Variants in OPCML observed in about 807,000 individuals in gnomAD.
OPCML encodes the protein opioid binding protein/cell adhesion molecule like.
Under a neutral mutation model 37.8 loss-of-function variants are expected in OPCML, and 13 were observed. The ratio of observed to expected loss-of-function variants is 0.34; its 90% confidence interval spans 0.22 to 0.55. The LOEUF is 0.55. Among genes scored for constraint, OPCML ranks in the 20% least tolerant of loss-of-function variants. The probability of loss-of-function intolerance (pLI) is 0.91; values close to 1 mark genes in which losing one functional copy is unlikely to be tolerated. For synonymous variants in OPCML, 176 were observed against 168.8 expected (o/e 1.04, Z -0.33); for missense variants, 341 against 435.6 (o/e 0.78, Z 1.93).
chr11:133,293,228 C>T (rs747236465), intron 1 of OPCML, among the ~76,000 whole-genome samples: 4 of 152,188 alleles, frequency 2.6e-5, no homozygotes, highest in Non-Finnish European at 4.4e-5. Context: ...CGGCACCCCA[C>T]GCTCTTTCCC....
chr11:132,695,191 G>C (rs1943557965), intron 2 of OPCML, among the ~76,000 whole-genome samples: 1 of 139,718 alleles, frequency 7.2e-6, no homozygotes, highest in African/African-American at 3.2e-5. Flanking sequence ...TACGGAGAGA[G>C]AGTGAGAGAC....
chr11:133,389,460 C>G (rs1313362033), intron 1 of OPCML, among the ~76,000 whole-genome samples: 1 of 151,968 alleles, frequency 6.6e-6, no homozygotes, highest in Non-Finnish European at 1.5e-5. Context: ...CTCTTGTTTC[C>G]TTATAGAAAA....
chr11:132,592,381 G>T (rs983183409), intron 3 of OPCML, among the ~76,000 whole-genome samples: 1 of 152,196 alleles, frequency 6.6e-6, no homozygotes, highest in African/African-American at 2.4e-5. Flanking sequence ...GATAAGCCAG[G>T]GTACCTGGCT....
In OPCML at chr11:132,441,165, G is replaced by GTTT. The variant is rs68143578; in HGVS notation, c.506-3809_506-3807dup. On this transcript the variant is annotated intron_variant, in intron 4 of 7. Transcript: ENST00000524381. ...AGATGTGTTCACCAAGGACTTTTTT[G>GTTT]TTTTTTTTTTTTTTTTTTTTGAGAC... 2.1e-4 allele frequency among the ~76,000 whole-genome samples: 15 copies of GTTT among 72,392 alleles called. 1 individual carries two copies. The highest frequency in any genetic ancestry group is 4.1e-4 in the East Asian group (1 of 2,458). 47.5% of individuals were successfully genotyped at this position (72,392 alleles called of 152,430 possible). A position where few individuals can be genotyped will look rare whatever the true frequency, so the allele number is the denominator to read the frequency against.
At chr11:133,487,240 T>A (rs1947549424) in intron 1 of OPCML, among the ~76,000 whole-genome samples, 1 of 152,162 alleles carries the variant, frequency 6.6e-6, no homozygotes, top group South Asian at 2.1e-4. Flanking sequence ...CCCCTGAGAC[T>A]TTACATGATC....
chr11:132,490,711 C>G (rs753408173), intron 4 of OPCML, among the ~76,000 whole-genome samples: 2 of 151,306 alleles, frequency 1.3e-5, no homozygotes, highest in Non-Finnish European at 1.5e-5. Context: ...CCCGGCTACT[C>G]GAGAGGCTGG....
At chr11:133,301,208 T>C (rs1942768270) in intron 1 of OPCML, 1 of 152,192 alleles carries the variant, frequency 6.6e-6, no homozygotes, top group Admixed American at 6.5e-5. Flanking sequence ...TAGATATGCA[T>C]GGTATTTTAG....
chr11:132,963,720 A>G (rs997180445), intron 1 of OPCML, among the ~76,000 whole-genome samples: 4 of 152,074 alleles, frequency 2.6e-5, no homozygotes, highest in African/African-American at 9.7e-5. Flanking sequence ...GTTGTCAGCA[A>G]ATATTAGCTC....
chr11:132,641,999 C>T (rs1011102291), intron 3 of OPCML, among the ~76,000 whole-genome samples: 11 of 152,092 alleles, frequency 7.2e-5, no homozygotes, highest in South Asian at 2.1e-4. Context: ...GAGAATAGGC[C>T]GATATTTAAT....
At position 132,749,945 on chromosome 11, in the gene OPCML, C is replaced by T. The variant is rs1029216245; in HGVS notation, c.147-92626G>A. On this transcript the variant is annotated intron_variant, in intron 2 of 7. Coordinates refer to ENST00000524381, the MANE Select transcript of OPCML (RefSeq NM_001012393.5). Reference sequence around the variant, plus strand: ...TTGCCCAGGCTGGAGTGCCATGGTGCGATCTCAGCTCACTGTAACCTCTGC... The same window carrying T: ...TTGCCCAGGCTGGAGTGCCATGGTGTGATCTCAGCTCACTGTAACCTCTGC... 2.6e-5 allele frequency among the ~76,000 whole-genome samples: 4 copies of T among 152,104 alleles called. No homozygotes were observed. In the South Asian group the frequency reaches 6.2e-4, roughly 24 times the overall value.
intron 2 of OPCML, among the ~76,000 whole-genome samples, chr11:132,745,967 C>T (rs1178679165): frequency 6.6e-6 from 1 of 152,200 alleles, no homozygotes; most frequent in African/African-American, 2.4e-5. Flanking sequence ...GGAGCCACTC[C>T]TGAGATGGCA....
intron 1 of OPCML, among the ~76,000 whole-genome samples, chr11:133,267,144 T>A (rs906557848): frequency 6.6e-6 from 1 of 152,178 alleles, no homozygotes; most frequent in African/African-American, 2.4e-5. Context: ...GGAAAGAGTG[T>A]ACATTTTGGA....
intron 1 of OPCML, among the ~76,000 whole-genome samples, chr11:133,414,179 G>A (rs1945711472): frequency 6.6e-6 from 1 of 152,268 alleles, no homozygotes; most frequent in Non-Finnish European, 1.5e-5. Flanking sequence ...ACGTCAGAAT[G>A]TGAGTATGCT....
At chr11:133,094,777 G>A (rs771548806) in intron 1 of OPCML, among the ~76,000 whole-genome samples, 2 of 152,156 alleles carry the variant, frequency 1.3e-5, no homozygotes, top group Non-Finnish European at 2.9e-5. Flanking sequence ...AAGTTCTCTT[G>A]AGATGCTAGA....
intron 4 of OPCML, among the ~76,000 whole-genome samples, chr11:132,477,383 G>A (rs2096160405): frequency 6.6e-6 from 1 of 152,194 alleles, no homozygotes; most frequent in South Asian, 2.1e-4. Context: ...ATCTCAGACT[G>A]AGACAGGTAG....
intron 2 of OPCML, chr11:132,771,721 T>C (rs1283583098): frequency 6.6e-6 from 1 of 152,206 alleles, no homozygotes; most frequent in Non-Finnish European, 1.5e-5. Context: ...ACAGAGTCAG[T>C]CAATGAAAAC....
intron 2 of OPCML, among the ~76,000 whole-genome samples, chr11:132,702,432 G>A (rs1025563390): frequency 3.3e-5 from 5 of 152,158 alleles, no homozygotes; most frequent in Non-Finnish European, 7.4e-5. Context: ...TATGGGAGTT[G>A]GGGGAGGGTT....
At chr11:132,878,584 C>T (rs1402524362) in intron 2 of OPCML, among the ~76,000 whole-genome samples, 1 of 152,070 alleles carries the variant, frequency 6.6e-6, no homozygotes, top group African/African-American at 2.4e-5. Context: ...TAATCATGTC[C>T]ATTAATTCTT....
chr11:132,674,487 T>C (rs1942617182), intron 2 of OPCML, among the ~76,000 whole-genome samples: 1 of 152,152 alleles, frequency 6.6e-6, no homozygotes, highest in Admixed American at 6.5e-5. Context: ...AAGTGGAAAG[T>C]TCGACTTGAT....
Sources: gnomAD v4.1 joint callset for allele counts (sites outside exome capture counted in the v4.1 genomes callset) on GRCh38, gnomAD v4.1.1 for gene constraint, MANE v1.5 for transcripts, NCBI Gene and HGNC (gene_info 2026-07-23, HGNC 2026-07-21) for gene names.